Variants in ZBTB1 observed in about 807,000 individuals in gnomAD.
ZBTB1 encodes zinc finger and BTB domain containing 1.
A neutral mutation model predicts 51.6 loss-of-function variants in ZBTB1; 13 were observed. The ratio of observed to expected loss-of-function variants is 0.25; its 90% CI spans 0.16 to 0.40. The LOEUF (loss-of-function observed/expected upper bound fraction) is 0.40. Ranked by LOEUF, ZBTB1 falls within the 10% of genes least tolerant of loss-of-function variation. ZBTB1 has a pLI of 1.00. For synonymous variants in ZBTB1, 240 were observed against 282.2 expected, an observed-to-expected ratio of 0.85 and a Z score of 1.50; for missense variants, 567 against 856.5, an observed-to-expected ratio of 0.66 and a Z score of 4.22.
At chr14:64,521,159 G>C (rs1244338162) in intron 1 of ZBTB1, among the ~76,000 whole-genome samples, 1 of 152,056 alleles carries the variant, frequency 6.6e-6, no homozygotes, top group Non-Finnish European at 1.5e-5. Flanking sequence ...CACTGCACTC[G>C]GCCTCCTTCA....
chr14:64,513,494 C>T (rs1356677404), intron 1 of ZBTB1, among the ~76,000 whole-genome samples: 4 of 152,104 alleles, frequency 2.6e-5, no homozygotes, highest in Admixed American at 1.3e-4. Flanking sequence ...TATTTACATA[C>T]ACATCTATAT....
intron 1 of ZBTB1, among the ~76,000 whole-genome samples, chr14:64,509,974 C>G (rs1203482975): frequency 2.2e-5 from 3 of 137,272 alleles, no homozygotes; most frequent in African/African-American, 8.1e-5. Flanking sequence ...GAGACTCCGT[C>G]TCAATTAAAA....
intron 1 of ZBTB1, among the ~76,000 whole-genome samples, chr14:64,506,756 C>T (rs2079664202): frequency 6.6e-6 from 1 of 152,216 alleles, no homozygotes; most frequent in Non-Finnish European, 1.5e-5. Context: ...ATTCTTCCCA[C>T]TCCTAATACG....
At chr14:64,505,837 T>C (rs1477898449) in intron 1 of ZBTB1, among the ~76,000 whole-genome samples, 3 of 152,188 alleles carry the variant, frequency 2.0e-5, no homozygotes, top group Admixed American at 2.0e-4. Flanking sequence ...AGATTCTTCA[T>C]TGGTGTTAGT....
intron 1 of ZBTB1, among the ~76,000 whole-genome samples, chr14:64,507,682 A>G (rs150383582): frequency 6.2e-4 from 95 of 152,216 alleles, no homozygotes; most frequent in African/African-American, 2.2e-3. Flanking sequence ...TATTTGATTA[A>G]CTGGGCTGCT....
intron 1 of ZBTB1, among the ~76,000 whole-genome samples, chr14:64,518,806 C>T (rs552388595): frequency 2.7e-4 from 40 of 149,932 alleles, no homozygotes; most frequent in Non-Finnish European, 5.2e-4. Flanking sequence ...TACTTCCTCT[C>T]CTTTCTTCCT....
At position 64,524,637 on chromosome 14, in the gene ZBTB1, C is replaced by G. The variant is rs1436021055; in HGVS notation, c.*991C>G. The G allele has an allele frequency of 5.1e-6, 5 of 983,058 alleles. No homozygotes were observed. Among genetic ancestry groups the G allele is most frequent in the East Asian group, 2.3e-4 (2 of 8,798 alleles). The allele number at this position is 983,058 out of a possible 1,614,324, so 60.9% of individuals were successfully genotyped here. On this transcript the variant is annotated 3_prime_UTR_variant, in exon 2 of 2. Coordinates refer to ENST00000683701, the MANE Select transcript of ZBTB1 (RefSeq NM_001123329.2). ...GATAAATCTAATAAAATAAAGAGAT[C>G]AATTATAAACCTGGTTGTTCTATAA...
intron 1 of ZBTB1, among the ~76,000 whole-genome samples, chr14:64,514,726 A>G (rs893390353): frequency 1.3e-5 from 2 of 152,224 alleles, no homozygotes; most frequent in African/African-American, 4.8e-5. Flanking sequence ...CACTTGCTCA[A>G]TAGCATCCAA....
At chr14:64,514,978 T>TA (rs1566631852) in intron 1 of ZBTB1, among the ~76,000 whole-genome samples, 2 of 152,238 alleles carry the variant, frequency 1.3e-5, no homozygotes, top group Non-Finnish European at 2.9e-5. Flanking sequence ...CTCTAAGCTC[T>TA]AAAAATGTAT....
chr14:64,528,202 C>T (rs1277572441), downstream of ZBTB1, among the ~76,000 whole-genome samples: 1 of 151,868 alleles, frequency 6.6e-6, no homozygotes, highest in Non-Finnish European at 1.5e-5. Context: ...AAACTTGTGT[C>T]GTTGTTAACA....
At chr14:64,520,532 C>A (rs145032512) in intron 1 of ZBTB1, among the ~76,000 whole-genome samples, 1 of 151,958 alleles carries the variant, frequency 6.6e-6, no homozygotes, top group African/African-American at 2.4e-5. Context: ...TGCTATGTTG[C>A]CCAGGCTTAA....
chr14:64,524,870 C>G lies in ZBTB1; in HGVS notation c.*1224C>G. ...AAAGTAGTAGTATTGTTAGTTGTTG[C>G]TGACACAGGGTCTACATAATTACAT... is the stretch of plus-strand genomic sequence containing the variant. On this transcript the variant is annotated 3_prime_UTR_variant, in exon 2 of 2. Coordinates refer to ENST00000683701, the MANE Select transcript of ZBTB1 (RefSeq NM_001123329.2). 1.0e-6 allele frequency: 1 copy of G among 985,258 alleles called. No individual in the cohort carries two copies. The highest frequency in any genetic ancestry group is 1.2e-6 in the Non-Finnish European group (1 of 829,856). The allele number at this position is 985,258 out of a possible 1,614,324, so 61.0% of individuals were successfully genotyped here. A position where few individuals can be genotyped will look rare whatever the true frequency, so the allele number is the denominator to read the frequency against.
At chr14:64,519,589 C>A (rs118078889) in intron 1 of ZBTB1, among the ~76,000 whole-genome samples, 3,353 of 150,500 alleles carry the variant, frequency 0.022, 42 homozygotes, top group Middle Eastern at 0.055. Context: ...CATAGCAAGA[C>A]CTTGTCTTTA....
chr14:64,504,694 AC>A (rs2079609105), upstream of ZBTB1: 1 of 364,688 alleles, frequency 2.7e-6, no homozygotes, highest in Non-Finnish European at 4.9e-6. Context: ...TGGTGGGCAG[AC>A]CCGGAGTCGC....
chr14:64,528,865 G>A (rs559930538), downstream of ZBTB1, among the ~76,000 whole-genome samples: 43 of 152,290 alleles, frequency 2.8e-4, no homozygotes, highest in Non-Finnish European at 5.3e-4. Context: ...CAGAAACTAT[G>A]TATCTTAGAA....
At chr14:64,517,756 A>AATATATATATATAT (rs71444661) in intron 1 of ZBTB1, among the ~76,000 whole-genome samples, 26 of 60,710 alleles carry the variant, frequency 4.3e-4, no homozygotes, top group South Asian at 3.8e-3. Context: ...GCCATTTAGA[A>AATATATATATATAT]ATATATATAT....
At chr14:64,526,258 T>A (rs1020507256), downstream of ZBTB1, among the ~76,000 whole-genome samples, 1 of 152,218 alleles carries the variant, frequency 6.6e-6, no homozygotes, top group Non-Finnish European at 1.5e-5. Flanking sequence ...ACTTGCTTTT[T>A]AAAATTAGGG....
chr14:64,506,763 T>C (rs922407859), intron 1 of ZBTB1, among the ~76,000 whole-genome samples: 4 of 152,318 alleles, frequency 2.6e-5, no homozygotes, highest in African/African-American at 9.6e-5. Context: ...CCACTCCTAA[T>C]ACGATGGCCT....
At position 64,517,774 on chromosome 14, in the gene ZBTB1, TATATA is replaced by T. The variant is rs1181068093; in HGVS notation, c.-18-3712_-18-3708del. ...ATTTAGAAATATATATATATATATA[TATATA>T]TATTTTTTTTTTTTTTTTTTTTTTG... is the stretch of plus-strand genomic sequence containing the variant. On this transcript the variant is annotated intron_variant, in intron 1 of 1. Transcript: ENST00000683701. Among the ~76,000 whole-genome samples the T allele has an allele frequency of 8.7e-3, 705 of 80,766 alleles. 17 individuals are homozygous for T. The highest frequency in any genetic ancestry group is 0.036 in the African/African-American group (635 of 17,630). 53.0% of individuals were successfully genotyped at this position (80,766 alleles called of 152,430 possible).
Sources: gnomAD v4.1 joint callset for allele counts (sites outside exome capture counted in the v4.1 genomes callset) on GRCh38, gnomAD v4.1.1 for gene constraint, MANE v1.5 for transcripts, NCBI Gene and HGNC (gene_info 2026-07-23, HGNC 2026-07-21) for gene names.